The following MAP4 variants were observed in gnomAD, a reference collection of about 807,000 sequenced individuals.
MAP4 encodes microtubule-associated protein 4.
In MAP4, 76 loss-of-function variants were observed where a neutral mutation model predicts 170.2. That is an observed-to-expected ratio of 0.45 (90% confidence interval 0.37 to 0.54). The LOEUF (loss-of-function observed/expected upper bound fraction) is 0.54, where lower values mean the gene tolerates loss of function less well. MAP4 is among the 20% of genes least tolerant of loss of function. MAP4 has a pLI of 0.00. For synonymous variants in MAP4, 909 were observed against 994.5 expected, an observed-to-expected ratio of 0.91 and a Z score of 1.62; for missense variants, 2,506 against 2,748.0, an observed-to-expected ratio of 0.91 and a Z score of 1.97.
At chr3:47,890,255 A>T (rs1442078823) in intron 10 of MAP4, among the ~76,000 whole-genome samples, 1 of 152,130 alleles carries the variant, frequency 6.6e-6, no homozygotes, top group African/African-American at 2.4e-5. Context: ...AGGGCCAGGA[A>T]GAAAGACACA....
rs2044967072 is a variant in MAP4 at position 47,852,714 on chromosome 3, T to C, written c.*220A>G. ...GAGAGGAGGTGTGGGGCAGGGCTGC[T>C]GCTGCCCCGGGCACGCAAAGCAGGA... On this transcript the variant is annotated 3_prime_UTR_variant, in exon 21 of 21. Transcript: ENST00000683076. 2 of 1,505,676 alleles carry C rather than the reference T, an allele frequency of 1.3e-6. No homozygotes were observed. The highest frequency in any genetic ancestry group is 1.3e-5 in the South Asian group (1 of 79,050). The allele number at this position is 1,505,676 out of a possible 1,614,324, so 93.3% of individuals were successfully genotyped here. A position where few individuals can be genotyped will look rare whatever the true frequency, so the allele number is the denominator to read the frequency against.
chr3:48,080,879 C>T (rs1302417957), intron 1 of MAP4, among the ~76,000 whole-genome samples: 2 of 152,222 alleles, frequency 1.3e-5, no homozygotes, highest in Admixed American at 6.5e-5. Flanking sequence ...AATCCGAGCA[C>T]TTTGGGAGGC....
intron 3 of MAP4, among the ~76,000 whole-genome samples, chr3:47,958,004 A>G (rs917690830): frequency 6.6e-6 from 1 of 152,208 alleles, no homozygotes; most frequent in African/African-American, 2.4e-5. Context: ...TATATCTACT[A>G]GCATACACAA....
intron 20 of MAP4, 74 bp downstream of exon 20, chr3:47,853,089 A>G (rs1463824551): frequency 1.2e-6 from 2 of 1,613,940 alleles, no homozygotes; most frequent in African/African-American, 1.3e-5. Context: ...ACTCTAGTCA[A>G]AAACAAAGGA....
At chr3:47,875,944 G>T in intron 11 of MAP4, 44 bp from the exon 12 acceptor site, 1 of 1,345,600 alleles carries the variant, frequency 7.4e-7, no homozygotes, top group South Asian at 1.3e-5. Flanking sequence ...ATTTTTTAAA[G>T]GGCAACATCA....
intron 1 of MAP4, among the ~76,000 whole-genome samples, chr3:48,038,175 A>C (rs1290053154): frequency 1.1e-5 from 1 of 94,680 alleles, no homozygotes; most frequent in Non-Finnish European, 2.5e-5. Context: ...CTCCAAAAAA[A>C]GAAAAAAAAA....
chr3:47,915,069 T>A, intron 7 of MAP4, 130 bp from the exon 8 acceptor site: 1 of 1,082,960 alleles, frequency 9.2e-7, no homozygotes, highest in Non-Finnish European at 1.3e-6. Flanking sequence ...AGGAGTGAAG[T>A]GGTAGTTGGA....
chr3:48,017,635 T>C (rs867757407), upstream of MAP4, among the ~76,000 whole-genome samples: 5 of 152,112 alleles, frequency 3.3e-5, 1 homozygote, highest in Admixed American at 6.6e-5. Flanking sequence ...CCATCTTACA[T>C]TATCACTGTA....
At chr3:48,066,822 CTTTTTTTTTTTTTTTT>C (rs55939839) in intron 1 of MAP4, among the ~76,000 whole-genome samples, 28 of 65,828 alleles carry the variant, frequency 4.3e-4, no homozygotes, top group South Asian at 1.4e-3. Flanking sequence ...TCTCTAATTC[CTTTTTTTTTTTTTTTT>C]TTTTTTTTTT....
At chr3:47,897,421 C>T (rs548232765) in intron 10 of MAP4, among the ~76,000 whole-genome samples, 145 of 152,210 alleles carry the variant, frequency 9.5e-4, no homozygotes, top group Non-Finnish European at 1.7e-3. Flanking sequence ...GCATTGCGCT[C>T]GGCCCAATGT....
At chr3:48,074,509 C>CT (rs1167906300) in intron 1 of MAP4, among the ~76,000 whole-genome samples, 7,929 of 112,502 alleles carry the variant, frequency 0.07, 1,429 homozygotes, top group African/African-American at 0.27. Flanking sequence ...TATACACACA[C>CT]TTTTTTTTTT....
At chr3:48,045,793 G>A (rs148729669) in intron 1 of MAP4, among the ~76,000 whole-genome samples, 31 of 152,182 alleles carry the variant, frequency 2.0e-4, no homozygotes, top group African/African-American at 5.5e-4. Flanking sequence ...CGCCTGCCTC[G>A]GCCTCCCAAA....
intron 2 of MAP4, among the ~76,000 whole-genome samples, chr3:47,980,378 T>G (rs2100084791): frequency 6.6e-6 from 1 of 152,192 alleles, no homozygotes; most frequent in Admixed American, 6.5e-5. Context: ...ATATTATTCC[T>G]AAGACAATAA....
intron 1 of MAP4, among the ~76,000 whole-genome samples, chr3:48,056,233 T>A (rs1483167885): frequency 2.1e-5 from 2 of 94,240 alleles, no homozygotes; most frequent in South Asian, 5.3e-4. Context: ...GCCCCCCGCC[T>A]GGCCAGCCGT....
intron 16 of MAP4, among the ~76,000 whole-genome samples, 199 bp from the exon 17 acceptor site, chr3:47,867,537 G>A (rs963111034): frequency 2.6e-5 from 4 of 152,226 alleles, no homozygotes; most frequent in African/African-American, 9.6e-5. Flanking sequence ...AGTGAAAAAC[G>A]TGAACAGACA....
chr3:47,890,212 C>T (rs1399352493), intron 10 of MAP4, among the ~76,000 whole-genome samples: 1 of 151,946 alleles, frequency 6.6e-6, no homozygotes, highest in Non-Finnish European at 1.5e-5. Context: ...ACAATAAGAG[C>T]TGTGGGGGGA....
At chr3:47,901,987 C>T (rs928089029) in intron 10 of MAP4, among the ~76,000 whole-genome samples, 4 of 152,004 alleles carry the variant, frequency 2.6e-5, no homozygotes, top group African/African-American at 9.7e-5. Context: ...GAGTGAGACC[C>T]CATCTCTACA....
At chr3:47,892,816 G>A in intron 10 of MAP4, 3 of 1,116,710 alleles carry the variant, frequency 2.7e-6, no homozygotes, top group Non-Finnish European at 3.3e-6. Flanking sequence ...ACACAGTATG[G>A]TGCCAATCCA....
chr3:47,988,257 A>AT (rs55794111), intron 2 of MAP4, among the ~76,000 whole-genome samples: 129 of 149,886 alleles, frequency 8.6e-4, no homozygotes, highest in African/African-American at 3.0e-3. Context: ...TTCAGACAGG[A>AT]TTTTTTTTTT....
Sources: gnomAD v4.1 joint callset for allele counts (sites outside exome capture counted in the v4.1 genomes callset) on GRCh38, gnomAD v4.1.1 for gene constraint, MANE v1.5 for transcripts, NCBI Gene and HGNC (gene_info 2026-07-23, HGNC 2026-07-21) for gene names.